SLC24A3: variants seen among roughly 807,000 people sequenced by gnomAD.
SLC24A3 encodes sodium/potassium/calcium exchanger 3.
Under a neutral mutation model 75.8 loss-of-function variants are expected in SLC24A3, and 28 were observed. That is an observed-to-expected ratio of 0.37 (90% CI 0.27 to 0.51). The LOEUF (loss-of-function observed/expected upper bound fraction) is 0.51, where lower values mean the gene tolerates loss of function less well. Ranked by LOEUF, SLC24A3 falls within the 20% of genes least tolerant of loss-of-function variation. The pLI is 0.94. For synonymous variants in SLC24A3, 372 were observed against 334.1 expected (o/e 1.11, Z -1.24); for missense variants, 663 against 847.8 (o/e 0.78, Z 2.71).
At chr20:19,242,007 C>T (rs1331223525) in intron 1 of SLC24A3, among the ~76,000 whole-genome samples, 1 of 152,188 alleles carries the variant, frequency 6.6e-6, no homozygotes, top group Non-Finnish European at 1.5e-5. Context: ...CCTTCAAGGT[C>T]CCAGGACTGG....
intron 2 of SLC24A3, among the ~76,000 whole-genome samples, chr20:19,307,780 A>C (rs1227705444): frequency 6.6e-6 from 1 of 152,186 alleles, no homozygotes; most frequent in Admixed American, 6.5e-5. Context: ...AAAAATAAAA[A>C]TAAAGAAAAG....
At chr20:19,323,909 A>C (rs1387912790) in intron 2 of SLC24A3, among the ~76,000 whole-genome samples, 4 of 152,220 alleles carry the variant, frequency 2.6e-5, no homozygotes, top group Non-Finnish European at 5.9e-5. Context: ...CAGCAGCATC[A>C]TTAGCATTTC....
At position 19,346,173 on chromosome 20, in the gene SLC24A3, A is replaced by G. The variant is rs1291388509; in HGVS notation, c.271+65086A>G. ...TATATATATGGTGTATATATATGGT[A>G]TATATATATGGTGTATATATATATA... On this transcript the variant is annotated intron_variant, in intron 2 of 16. Coordinates refer to ENST00000328041, the MANE Select transcript of SLC24A3 (RefSeq NM_020689.4). Among the ~76,000 whole-genome samples, 12 of 86,034 alleles carry G rather than the reference A, an allele frequency of 1.4e-4. 3 individuals carry two copies. Among genetic ancestry groups the G allele is most frequent in the African/African-American group, 9.1e-4 (10 of 11,034 alleles). The allele number at this position is 86,034 out of a possible 152,430, so 56.4% of individuals were successfully genotyped here.
chr20:19,716,562 T>G (rs1739537357), intron 15 of SLC24A3, among the ~76,000 whole-genome samples: 1 of 152,046 alleles, frequency 6.6e-6, no homozygotes, highest in South Asian at 2.1e-4. Flanking sequence ...CTATAGAAAC[T>G]CCAAGGCTGG....
intron 2 of SLC24A3, among the ~76,000 whole-genome samples, chr20:19,429,592 G>T (rs1987067384): frequency 6.6e-6 from 1 of 152,250 alleles, no homozygotes; most frequent in African/African-American, 2.4e-5. Context: ...AGTTAGACTT[G>T]AATTTACTGT....
At chr20:19,219,826 C>G (rs985209007) in intron 1 of SLC24A3, among the ~76,000 whole-genome samples, 1 of 152,166 alleles carries the variant, frequency 6.6e-6, no homozygotes, top group Non-Finnish European at 1.5e-5. Context: ...GGGCTCACAT[C>G]AAGGGTTTGT....
rs570989833 is a variant in SLC24A3 at position 19,288,472 on chromosome 20, A to G, written c.271+7385A>G. ...CCTAATTTGGTGAGTGGTGTCTGGAATCTTTCTGAAACACAGGTAAAGGAT... is the reference window on the plus strand; with the variant it reads ...CCTAATTTGGTGAGTGGTGTCTGGAGTCTTTCTGAAACACAGGTAAAGGAT... On this transcript the variant is annotated intron_variant, in intron 2 of 16. Coordinates refer to ENST00000328041, the MANE Select transcript of SLC24A3 (RefSeq NM_020689.4). 2.6e-5 allele frequency among the ~76,000 whole-genome samples: 4 copies of G among 152,328 alleles called. No homozygotes were observed. In the South Asian group the frequency reaches 8.3e-4, roughly 32 times the overall value.
chr20:19,665,790 AGCGT>A (rs2032391642), intron 7 of SLC24A3, 70 bp from the exon 8 acceptor site: 1 of 1,319,852 alleles, frequency 7.6e-7, no homozygotes, highest in East Asian at 2.8e-5. Context: ...GCAGCCTTAA[AGCGT>A]GTGTGTGTGT....
At chr20:19,226,122 A>G (rs1981861793) in intron 1 of SLC24A3, among the ~76,000 whole-genome samples, 1 of 152,134 alleles carries the variant, frequency 6.6e-6, no homozygotes, top group South Asian at 2.1e-4. Context: ...GAGAGTTTTT[A>G]TCAAGGGTGG....
At chr20:19,600,162 G>A (rs2031510518) in intron 6 of SLC24A3, among the ~76,000 whole-genome samples, 2 of 152,134 alleles carry the variant, frequency 1.3e-5, no homozygotes, top group Non-Finnish European at 2.9e-5. Context: ...AACAGGGGTT[G>A]ATCTCCCAGC....
chr20:19,515,830 A>G (rs1162418789), intron 3 of SLC24A3, among the ~76,000 whole-genome samples: 3 of 152,200 alleles, frequency 2.0e-5, no homozygotes, highest in Non-Finnish European at 4.4e-5. Flanking sequence ...CCCACTCTCC[A>G]TGACTTAACC....
At chr20:19,443,650 CAT>C (rs1459939094) in intron 2 of SLC24A3, among the ~76,000 whole-genome samples, 1 of 152,134 alleles carries the variant, frequency 6.6e-6, no homozygotes, top group Non-Finnish European at 1.5e-5. Flanking sequence ...CTCCAATCTC[CAT>C]GCCTTTCATT....
At chr20:19,552,902 G>T (rs924844118) in intron 3 of SLC24A3, among the ~76,000 whole-genome samples, 2 of 152,024 alleles carry the variant, frequency 1.3e-5, no homozygotes, top group Non-Finnish European at 2.9e-5. Context: ...AGGGGGCCAC[G>T]ATCTGTAAAC....
At chr20:19,348,258 G>A (rs1045603265) in intron 2 of SLC24A3, among the ~76,000 whole-genome samples, 1 of 152,200 alleles carries the variant, frequency 6.6e-6, no homozygotes, top group African/African-American at 2.4e-5. Flanking sequence ...GGCCCCAGGA[G>A]GATGATTTGC....
chr20:19,696,912 G>T lies in SLC24A3; in HGVS notation c.1606+1G>T. On this transcript the variant is annotated splice_donor_variant, in intron 14 of 16. Transcript: ENST00000328041. LOFTEE classifies it high-confidence loss of function. ...GCCAGCCTCATTGTGGCCAGACAAG[G>T]TGGGACTTCCAGTGGCAATGGGGAA... 6.7e-7 allele frequency: 1 copy of T among 1,481,812 alleles called. No homozygotes were observed. The highest frequency in any genetic ancestry group is 3.0e-5 in the East Asian group (1 of 33,032). The allele number at this position is 1,481,812 out of a possible 1,614,324, so 91.8% of individuals were successfully genotyped here.
intron 2 of SLC24A3, among the ~76,000 whole-genome samples, chr20:19,433,863 G>A (rs1465625039): frequency 1.3e-5 from 2 of 152,144 alleles, no homozygotes; most frequent in Non-Finnish European, 2.9e-5. Flanking sequence ...TTTCTCACTA[G>A]GTTTTTGACA....
At chr20:19,667,224 T>C (rs991457580) in intron 8 of SLC24A3, among the ~76,000 whole-genome samples, 14 of 152,142 alleles carry the variant, frequency 9.2e-5, no homozygotes, top group Non-Finnish European at 1.6e-4. Flanking sequence ...TTGCTAACTC[T>C]CCTCTTTGCA....
At chr20:19,239,433 G>T (rs1368588310) in intron 1 of SLC24A3, among the ~76,000 whole-genome samples, 3 of 152,224 alleles carry the variant, frequency 2.0e-5, no homozygotes, top group Non-Finnish European at 4.4e-5. Context: ...ATGGGGAACA[G>T]GGCTCGCTGC....
chr20:19,336,223 TA>T (rs1485720360), intron 2 of SLC24A3, among the ~76,000 whole-genome samples: 2 of 152,162 alleles, frequency 1.3e-5, no homozygotes, highest in Admixed American at 1.3e-4. Context: ...TTTTTGTGAA[TA>T]AAGGTTTACT....
Sources: allele counts gnomAD v4.1 joint callset (sites outside exome capture counted in the v4.1 genomes callset), GRCh38; gene constraint gnomAD v4.1.1; transcripts MANE v1.5; gene names NCBI Gene and HGNC (gene_info 2026-07-23, HGNC 2026-07-21).